Variants in TGFB2 observed in about 807,000 individuals in gnomAD.
TGFB2 encodes the protein transforming growth factor beta-2 proprotein.
In TGFB2, 13 loss-of-function variants were observed where a neutral mutation model predicts 42.7. The observed-to-expected ratio is 0.30, with a 90% CI of 0.20 to 0.48. The LOEUF (loss-of-function observed/expected upper bound fraction) is 0.48. Ranked by LOEUF, TGFB2 falls within the 20% of genes least tolerant of loss-of-function variation. The pLI, the probability that TGFB2 is intolerant of heterozygous loss-of-function variation, is 0.99. For synonymous variants in TGFB2, 193 were observed against 193.6 expected (o/e 1.00, Z 0.03); for missense variants, 390 against 517.5 (o/e 0.75, Z 2.39).
chr1:218,405,507 G>A, intron 2 of TGFB2, 175 bp downstream of exon 2: 1 of 1,089,244 alleles, frequency 9.2e-7, no homozygotes, highest in Non-Finnish European at 1.4e-6. Flanking sequence ...TGGGACTGCA[G>A]GAGTGCACCA....
rs1660144102 is a variant in TGFB2, at chr1:218,441,313, A to C, written c.1196A>C (p.Lys399Thr). 1.2e-6 allele frequency: 2 copies of C among 1,612,572 alleles called. No individual in the cohort carries two copies. Among genetic ancestry groups the C allele is most frequent in the Non-Finnish European group, 1.7e-6 (2 of 1,179,656 alleles). ...TILYYIGKTP[K>T]IEQLSNMIVK... ...CTCTACTACATTGGCAAAACACCCA[A>C]GATTGAACAGCTTTCTAATATGATT... is the stretch of plus-strand genomic sequence containing the variant. Residue 399 changes from lysine (K) to threonine (T), a missense_variant, in exon 7 of 7, where the codon AAG becomes ACG. Lys to Thr is a moderately conservative substitution (Grantham distance 78). Coordinates refer to ENST00000366930, the MANE Select transcript of TGFB2 (RefSeq NM_003238.6).
chr1:218,405,438 C>T (rs779777067), intron 2 of TGFB2, 106 bp downstream of exon 2: 209 of 1,581,578 alleles, frequency 1.3e-4, no homozygotes, highest in Middle Eastern at 1.2e-3. Context: ...GATCACAGCT[C>T]ACTGCAACCT....
chr1:218,346,060 A>ACG lies in TGFB2; in HGVS notation c.-641_-640insGC, dbSNP rs1409474024. ...TCGCCCCCAGCGCGCGCACACGCAC[A>ACG]CACACACACACACACACACACGCAC... On this transcript the variant is annotated 5_prime_UTR_variant, in exon 1 of 7. Coordinates refer to ENST00000366930, the MANE Select transcript of TGFB2 (RefSeq NM_003238.6). The surrounding 1 kb of genome is among the most constrained non-coding windows in gnomAD (Gnocchi z 4.9). Among the ~76,000 whole-genome samples, 1 of 147,930 alleles carries ACG rather than the reference A, an allele frequency of 6.8e-6. No homozygotes were observed. Among genetic ancestry groups the ACG allele is most frequent in the Non-Finnish European group, 1.5e-5 (1 of 66,470 alleles).
intron 1 of TGFB2, among the ~76,000 whole-genome samples, chr1:218,401,873 C>T (rs990008096): frequency 2.0e-5 from 3 of 152,272 alleles, no homozygotes; most frequent in Non-Finnish European, 4.4e-5. Flanking sequence ...CTCCCTGCTC[C>T]GTGTATAGGG....
At chr1:218,409,648 G>A (rs1266210791) in intron 2 of TGFB2, among the ~76,000 whole-genome samples, 3 of 149,246 alleles carry the variant, frequency 2.0e-5, no homozygotes, top group East Asian at 3.9e-4. Flanking sequence ...ATCCAAAATT[G>A]CTGAAATATT....
At chr1:218,354,091 T>C (rs1363307816) in intron 1 of TGFB2, among the ~76,000 whole-genome samples, 1 of 152,206 alleles carries the variant, frequency 6.6e-6, no homozygotes, top group Admixed American at 6.5e-5. Context: ...CTTCATTGGT[T>C]TGTAGACTGC....
chr1:218,352,184 A>C (rs939608662), intron 1 of TGFB2, among the ~76,000 whole-genome samples: 1 of 150,032 alleles, frequency 6.7e-6, no homozygotes, highest in Non-Finnish European at 1.5e-5. Flanking sequence ...GCCGAGCAAG[A>C]GACTGCATGG....
chr1:218,350,939 T>G (rs143132500), intron 1 of TGFB2, among the ~76,000 whole-genome samples: 495 of 152,366 alleles, frequency 3.2e-3, no homozygotes, highest in African/African-American at 0.011. Flanking sequence ...TGATTTATTC[T>G]ACCATTTTGA....
chr1:218,402,744 C>T (rs578117827), intron 1 of TGFB2, among the ~76,000 whole-genome samples: 2 of 152,326 alleles, frequency 1.3e-5, no homozygotes, highest in African/African-American at 4.8e-5. Context: ...TTCCTAACGA[C>T]AGGAAACACG....
intron 2 of TGFB2, among the ~76,000 whole-genome samples, chr1:218,424,805 GTAAA>G (rs1271472373): frequency 6.6e-6 from 1 of 152,220 alleles, no homozygotes; most frequent in Admixed American, 6.5e-5. Context: ...GCTGCCAAAA[GTAAA>G]TAGTTTGCAT....
chr1:218,398,176 A>C (rs1337242362), intron 1 of TGFB2, among the ~76,000 whole-genome samples: 1 of 152,268 alleles, frequency 6.6e-6, no homozygotes, highest in Non-Finnish European at 1.5e-5. Flanking sequence ...ACTTTGATGA[A>C]ATGGTGCCAT....
At chr1:218,379,007 C>G (rs1657854087) in intron 1 of TGFB2, among the ~76,000 whole-genome samples, 1 of 152,110 alleles carries the variant, frequency 6.6e-6, no homozygotes, top group African/African-American at 2.4e-5. Flanking sequence ...CCAGCAGATT[C>G]TAGTTGTCAT....
Position 218,444,018 on chromosome 1 carries a change from A to G in TGFB2, c.*2656A>G, listed in dbSNP as rs1660242185. 1 of 152,130 alleles carries G rather than the reference A, an allele frequency of 6.6e-6. No individual in the cohort carries two copies. 9.4% of individuals were successfully genotyped at this position (152,130 alleles called of 1,614,324 possible). On this transcript the variant is annotated 3_prime_UTR_variant, in exon 7 of 7. Coordinates refer to ENST00000366930, the MANE Select transcript of TGFB2 (RefSeq NM_003238.6). ...GATATGTGGATGTCTTTTTCCTATC[A>G]GTACCATCATCGAGTCTAGAAAACA...
At chr1:218,435,745 A>G (rs1331797039) in intron 4 of TGFB2, among the ~76,000 whole-genome samples, 1 of 152,208 alleles carries the variant, frequency 6.6e-6, no homozygotes, top group Non-Finnish European at 1.5e-5. Context: ...TTGACACCGA[A>G]CTGCCTTCTG....
Position 218,347,620 on chromosome 1 carries a change from GA to G in TGFB2, c.346+576del, listed in dbSNP as rs1656733333. Among the ~76,000 whole-genome samples the G allele has an allele frequency of 2.6e-5, 4 of 152,226 alleles. No individual in the cohort carries two copies. The South Asian group carries it at 8.3e-4, about 32-fold the overall frequency. ...AAAACCCGGTTTGGAGACCCCTCGA[GA>G]AACCTACCTGGCCCTCAGTCCTTGA... On this transcript the variant is annotated intron_variant, in intron 1 of 6. Transcript: ENST00000366930.
At chr1:218,413,331 C>G (rs773934248) in intron 2 of TGFB2, among the ~76,000 whole-genome samples, 2 of 152,206 alleles carry the variant, frequency 1.3e-5, no homozygotes, top group Admixed American at 1.3e-4. Context: ...CGAGATCACA[C>G]AATCTCTGCC....
intron 1 of TGFB2, among the ~76,000 whole-genome samples, chr1:218,363,996 T>C (rs1657303129): frequency 1.3e-5 from 2 of 152,212 alleles, no homozygotes; most frequent in Non-Finnish European, 2.9e-5. Context: ...AGATTTTTTT[T>C]TGCAATATTT....
chr1:218,421,379 T>TG (rs1448845543), intron 2 of TGFB2, among the ~76,000 whole-genome samples: 6 of 151,382 alleles, frequency 4.0e-5, no homozygotes, highest in African/African-American at 9.8e-5. Context: ...AGCAGTTTTT[T>TG]TTTTTTTTTA....
intron 1 of TGFB2, among the ~76,000 whole-genome samples, chr1:218,392,673 A>G (rs1158062630): frequency 6.6e-6 from 1 of 152,268 alleles, no homozygotes; most frequent in African/African-American, 2.4e-5. Context: ...AGTAGGTGCC[A>G]GGCAACCCCT....
Sources: gnomAD v4.1 joint callset for allele counts (sites outside exome capture counted in the v4.1 genomes callset) on GRCh38, gnomAD v4.1.1 for gene constraint, Gnocchi (gnomAD v3.1) non-coding constraint, MANE v1.5 for transcripts, NCBI Gene and HGNC (gene_info 2026-07-23, HGNC 2026-07-21) for gene names.